The following KCNH1 variants were observed in gnomAD, a reference collection of about 807,000 sequenced individuals.
KCNH1 encodes the protein voltage-gated delayed rectifier potassium channel KCNH1.
In KCNH1, 27 loss-of-function variants were observed where a neutral mutation model predicts 69.2. The observed-to-expected ratio is 0.39, with a 90% CI of 0.29 to 0.54. The LOEUF (loss-of-function observed/expected upper bound fraction) is 0.54, where lower values mean the gene tolerates loss of function less well. KCNH1 is among the 20% of genes least tolerant of loss of function. KCNH1 has a pLI of 0.68. For missense variants in KCNH1, 798 were observed against 1,261.6 expected (o/e 0.63, Z 5.57); for synonymous variants, 456 against 487.7 (o/e 0.93, Z 0.86).
chr1:210,689,839 G>A (rs1191239208), intron 10 of KCNH1, among the ~76,000 whole-genome samples: 1 of 152,226 alleles, frequency 6.6e-6, no homozygotes, highest in Non-Finnish European at 1.5e-5. Context: ...CCCGTGGCAG[G>A]GCTAGAAACT....
At chr1:210,865,125 G>C (rs1281537702) in intron 7 of KCNH1, among the ~76,000 whole-genome samples, 1 of 152,144 alleles carries the variant, frequency 6.6e-6, no homozygotes, top group East Asian at 1.9e-4. Flanking sequence ...ATTTTTAGAA[G>C]AACATGTGGA....
intron 5 of KCNH1, among the ~76,000 whole-genome samples, chr1:211,020,975 G>A (rs1689577928): frequency 6.6e-6 from 1 of 152,084 alleles, no homozygotes; most frequent in Non-Finnish European, 1.5e-5. Context: ...AGGTATAGAA[G>A]AAAGGTACTC....
At chr1:210,853,909 T>C (rs1685765382) in intron 7 of KCNH1, among the ~76,000 whole-genome samples, 1 of 131,474 alleles carries the variant, frequency 7.6e-6, no homozygotes, top group African/African-American at 3.1e-5. Context: ...TCAGGTGACA[T>C]TTTAATATGC....
chr1:210,975,702 C>T (rs1341127847), intron 6 of KCNH1, among the ~76,000 whole-genome samples: 1 of 152,096 alleles, frequency 6.6e-6, no homozygotes, highest in Admixed American at 6.6e-5. Flanking sequence ...AAGGACTTCA[C>T]ATCTAAAACA....
intron 5 of KCNH1, among the ~76,000 whole-genome samples, chr1:211,075,558 C>T (rs189366549): frequency 1.3e-5 from 2 of 152,302 alleles, no homozygotes; most frequent in African/African-American, 2.4e-5. Context: ...AGGTATAATG[C>T]TTCTAACTGG....
intron 10 of KCNH1, among the ~76,000 whole-genome samples, chr1:210,709,991 A>G (rs1199395298): frequency 6.6e-6 from 1 of 152,230 alleles, no homozygotes; most frequent in Admixed American, 6.5e-5. Flanking sequence ...CAACAGGAAT[A>G]CATTCTGATA....
At chr1:210,936,375 C>T (rs1004557549) in intron 6 of KCNH1, among the ~76,000 whole-genome samples, 7 of 152,184 alleles carry the variant, frequency 4.6e-5, no homozygotes, top group African/African-American at 1.7e-4. Context: ...TTAGTTGAAA[C>T]CTGGCTTTCC....
chr1:211,130,362 G>A (rs1286950872), intron 1 of KCNH1, among the ~76,000 whole-genome samples: 1 of 152,182 alleles, frequency 6.6e-6, no homozygotes, highest in Non-Finnish European at 1.5e-5. Flanking sequence ...GTACCAGCAA[G>A]ACCAGTAAAC....
At chr1:210,816,064 G>A (rs1215511426) in intron 7 of KCNH1, among the ~76,000 whole-genome samples, 2 of 152,136 alleles carry the variant, frequency 1.3e-5, no homozygotes, top group African/African-American at 2.4e-5. Context: ...AGCGGCGAGC[G>A]ATTAACCTGC....
At chr1:210,909,218 A>C (rs1205233958) in intron 7 of KCNH1, among the ~76,000 whole-genome samples, 1 of 152,234 alleles carries the variant, frequency 6.6e-6, no homozygotes, top group Non-Finnish European at 1.5e-5. Context: ...TCTTCTTGAT[A>C]TTTAGTTCTA....
At chr1:210,885,373 T>C (rs1243635342) in intron 7 of KCNH1, among the ~76,000 whole-genome samples, 1 of 152,208 alleles carries the variant, frequency 6.6e-6, no homozygotes, top group East Asian at 1.9e-4. Context: ...TAGTGCACTC[T>C]GGCCAAAATA....
chr1:210,702,685 T>C (rs540100758), intron 10 of KCNH1, among the ~76,000 whole-genome samples: 11 of 152,350 alleles, frequency 7.2e-5, no homozygotes, highest in South Asian at 2.1e-4. Context: ...ATAAGGACTT[T>C]AAGCCAACCC....
At chr1:211,089,964 A>C (rs1191317091) in intron 4 of KCNH1, among the ~76,000 whole-genome samples, 2 of 152,220 alleles carry the variant, frequency 1.3e-5, no homozygotes, top group Non-Finnish European at 2.9e-5. Flanking sequence ...CATGTTATGC[A>C]AACAATACAT....
chr1:210,724,680 A>G (rs559597973), intron 10 of KCNH1, among the ~76,000 whole-genome samples: 1 of 152,272 alleles, frequency 6.6e-6, no homozygotes, highest in South Asian at 2.1e-4. Flanking sequence ...AGTTCTAGCT[A>G]TGTGCTTGAG....
chr1:210,759,774 G>C (rs1683478095), intron 10 of KCNH1, among the ~76,000 whole-genome samples: 1 of 152,256 alleles, frequency 6.6e-6, no homozygotes, highest in Non-Finnish European at 1.5e-5. Flanking sequence ...TATAATTCAG[G>C]AAAATTTCCC....
At chr1:210,708,907 G>A (rs961587174) in intron 10 of KCNH1, among the ~76,000 whole-genome samples, 1 of 152,170 alleles carries the variant, frequency 6.6e-6, no homozygotes, top group Non-Finnish European at 1.5e-5. Flanking sequence ...GAGGCATTTG[G>A]ATTTGAGGCT....
intron 7 of KCNH1, among the ~76,000 whole-genome samples, chr1:210,847,497 G>A (rs534403191): frequency 3.3e-5 from 5 of 150,492 alleles, no homozygotes; most frequent in Admixed American, 6.7e-5. Context: ...ACCAAACACC[G>A]CATGTTCTCA....
chr1:210,709,031 A>T (rs1446634658), intron 10 of KCNH1, among the ~76,000 whole-genome samples: 1 of 152,118 alleles, frequency 6.6e-6, no homozygotes, highest in Non-Finnish European at 1.5e-5. Context: ...TGGGTGGATC[A>T]TTTGAGGCCA....
chr1:210,775,378 G>C lies in KCNH1; in HGVS notation c.2082C>G (p.Asn694Lys), dbSNP rs1281691809. ...TCCTCAAGTTGTACGTCAGAATCAG[G>C]TTCCGGGAGAAGGAATGGGAGAAGG... ...YTAFSHSFSR[N>K]LILTYNLRKR... is the part of the protein sequence containing the mutation. Residue 694 changes from asparagine to lysine, a missense_variant, in exon 10 of 11, where the codon AAC (asparagine) becomes AAG (lysine). Physicochemically the swap from Asn to Lys is moderately conservative, Grantham distance 94. Around this residue, in one of 4 missense-constraint regions of KCNH1, gnomAD observed 197 missense variants for 407.7 expected, o/e 0.48. Coordinates refer to ENST00000271751, the MANE Select transcript of KCNH1 (RefSeq NM_172362.3). 2 of 1,614,110 alleles carry C rather than the reference G, an allele frequency of 1.2e-6. No individual in the cohort carries two copies. The highest frequency in any genetic ancestry group is 8.5e-7 in the Non-Finnish European group (1 of 1,179,976).
Sources: allele counts gnomAD v4.1 joint callset (sites outside exome capture counted in the v4.1 genomes callset), GRCh38; gene constraint gnomAD v4.1.1; regional missense constraint gnomAD v4.1.1; transcripts MANE v1.5; gene names NCBI Gene and HGNC (gene_info 2026-07-23, HGNC 2026-07-21).